The following KHDRBS2 variants were observed in gnomAD, a reference collection of about 807,000 sequenced individuals.
KHDRBS2 encodes KH domain-containing, RNA-binding, signal transduction-associated protein 2.
KHDRBS2 carries 26 observed loss-of-function variants against 44.3 expected under a neutral mutation model. The ratio of observed to expected loss-of-function variants is 0.59; its 90% CI spans 0.43 to 0.81. The LOEUF is 0.81. Among genes scored for constraint, KHDRBS2 ranks in the 40% least tolerant of loss-of-function variants. The probability of loss-of-function intolerance (pLI) is 0.00; values close to 1 mark genes in which losing one functional copy is unlikely to be tolerated. For missense variants in KHDRBS2, 476 were observed against 433.1 expected (o/e 1.10, Z -0.88); for synonymous variants, 194 against 151.1 (o/e 1.28, Z -2.08).
intron 3 of KHDRBS2, among the ~76,000 whole-genome samples, chr6:61,983,130 T>C (rs2127406036): frequency 6.6e-6 from 1 of 152,082 alleles, no homozygotes; most frequent in Admixed American, 6.5e-5. Context: ...GACTGGAATG[T>C]CATATTTGAG....
chr6:62,243,057 A>G (rs73760334), intron 1 of KHDRBS2, among the ~76,000 whole-genome samples: 1,757 of 152,314 alleles, frequency 0.012, 37 homozygotes, highest in African/African-American at 0.039. Flanking sequence ...AGGAAGCCAC[A>G]CAGTGGCCTA....
chr6:61,704,135 C>G (rs760228177), intron 7 of KHDRBS2, among the ~76,000 whole-genome samples: 21 of 151,926 alleles, frequency 1.4e-4, no homozygotes, highest in Admixed American at 6.6e-5. Context: ...TCACCTATCC[C>G]AACACATTCT....
chr6:61,850,862 C>T (rs1270835727), intron 6 of KHDRBS2, among the ~76,000 whole-genome samples: 1 of 152,152 alleles, frequency 6.6e-6, no homozygotes, highest in Non-Finnish European at 1.5e-5. Flanking sequence ...CTCAATCATT[C>T]TCCCAAATAA....
intron 6 of KHDRBS2, among the ~76,000 whole-genome samples, chr6:61,848,554 TATATATATGTATATATATATAC>T (rs1794928525): frequency 5.3e-5 from 2 of 37,448 alleles, no homozygotes; most frequent in Non-Finnish European, 9.3e-5. Context: ...TATATATACA[TATATATATGTATATATATATAC>T]ATATATATAT....
intron 1 of KHDRBS2, among the ~76,000 whole-genome samples, chr6:62,262,120 T>A (rs1838444900): frequency 6.6e-6 from 1 of 151,810 alleles, no homozygotes; most frequent in African/African-American, 2.4e-5. Flanking sequence ...ATGAATTTAG[T>A]GCAACAAAAT....
At chr6:61,658,375 G>A in the KHDRBS2 span, among the ~76,000 whole-genome samples, 1 of 151,558 alleles carries the variant, frequency 6.6e-6, no homozygotes, top group African/African-American at 2.4e-5. Context: ...TTTTATTTTG[G>A]GCTAAATAAG....
chr6:62,228,984 G>A (rs1236193529), intron 1 of KHDRBS2, among the ~76,000 whole-genome samples: 2 of 152,162 alleles, frequency 1.3e-5, no homozygotes, highest in Non-Finnish European at 2.9e-5. Flanking sequence ...CCAGTTGGGT[G>A]GCACGAGGAG....
intron 6 of KHDRBS2, among the ~76,000 whole-genome samples, chr6:61,798,200 C>T (rs1785693690): frequency 6.6e-6 from 1 of 152,070 alleles, no homozygotes; most frequent in African/African-American, 2.4e-5. Context: ...AAAATATCTC[C>T]ATGAAGAGTG....
At chr6:61,759,231 A>G (rs1025325507) in intron 6 of KHDRBS2, among the ~76,000 whole-genome samples, 1 of 152,140 alleles carries the variant, frequency 6.6e-6, no homozygotes, top group Non-Finnish European at 1.5e-5. Flanking sequence ...AATATTGGTA[A>G]CTATGAGAGA....
In KHDRBS2 at chr6:61,978,060, A is replaced by G. The variant is rs1244438985; in HGVS notation, c.483+6T>C. On this transcript the variant is annotated splice_donor_region_variant and intron_variant, in intron 4 of 8. Transcript: ENST00000281156. ...AACATCTTTGTAAAAAATGAAAGAC[A>G]CTTACAGGAACCAGGAATTTTTTAA... The G allele has an allele frequency of 6.3e-7, 1 of 1,585,374 alleles. No individual in the cohort carries two copies. Among genetic ancestry groups the G allele is most frequent in the Non-Finnish European group, 8.5e-7 (1 of 1,170,746 alleles).
At chr6:62,215,085 A>T (rs1246611112) in intron 1 of KHDRBS2, among the ~76,000 whole-genome samples, 2 of 151,952 alleles carry the variant, frequency 1.3e-5, no homozygotes, top group African/African-American at 4.8e-5. Flanking sequence ...AACAGGTAGC[A>T]TACCTTTTCT....
chr6:61,960,553 A>G (rs578188982), intron 4 of KHDRBS2, among the ~76,000 whole-genome samples: 1 of 152,224 alleles, frequency 6.6e-6, no homozygotes, highest in East Asian at 1.9e-4. Context: ...TGATCCTTAG[A>G]TCAATAAAAA....
intron 4 of KHDRBS2, among the ~76,000 whole-genome samples, chr6:61,942,021 G>A (rs1169338811): frequency 1.3e-5 from 2 of 151,822 alleles, no homozygotes; most frequent in African/African-American, 2.4e-5. Flanking sequence ...AGTGCAGTTG[G>A]TATGTAATAG....
intron 4 of KHDRBS2, among the ~76,000 whole-genome samples, chr6:61,954,448 C>T (rs1465914070): frequency 1.9e-5 from 2 of 106,498 alleles, no homozygotes; most frequent in Admixed American, 1.1e-4. Context: ...TACATATATA[C>T]GTATGTATGT....
At chr6:61,705,909 T>G (rs1170628301) in intron 7 of KHDRBS2, among the ~76,000 whole-genome samples, 1 of 151,836 alleles carries the variant, frequency 6.6e-6, no homozygotes, top group African/African-American at 2.4e-5. Flanking sequence ...TGAAAATCCA[T>G]CTTTATATGT....
chr6:62,065,192 A>C (rs1185216584), intron 2 of KHDRBS2, among the ~76,000 whole-genome samples: 2 of 152,078 alleles, frequency 1.3e-5, no homozygotes, highest in South Asian at 2.1e-4. Flanking sequence ...GTGGGACTGT[A>C]AACTAGTTCA....
At chr6:62,095,695 T>C (rs1800439665) in intron 2 of KHDRBS2, among the ~76,000 whole-genome samples, 1 of 151,920 alleles carries the variant, frequency 6.6e-6, no homozygotes, top group South Asian at 2.1e-4. Context: ...ATTTCTAATT[T>C]GTATACCTTT....
At chr6:61,903,433 A>G (rs147264243) in intron 4 of KHDRBS2, among the ~76,000 whole-genome samples, 1 of 152,244 alleles carries the variant, frequency 6.6e-6, no homozygotes, top group African/African-American at 2.4e-5. Flanking sequence ...GAGCATAAAT[A>G]TTTTTTACAC....
the KHDRBS2 span, among the ~76,000 whole-genome samples, chr6:61,576,543 C>T: frequency 3.3e-5 from 5 of 151,954 alleles, no homozygotes; most frequent in Non-Finnish European, 5.9e-5. Flanking sequence ...AATTTGGATG[C>T]CTTTTATTTC....
Sources: allele counts gnomAD v4.1 joint callset (sites outside exome capture counted in the v4.1 genomes callset), GRCh38; gene constraint gnomAD v4.1.1; transcripts MANE v1.5; gene names NCBI Gene and HGNC (gene_info 2026-07-23, HGNC 2026-07-21).